INSC: variants seen among roughly 807,000 people sequenced by gnomAD.
The protein encoded by INSC is protein inscuteable homolog.
INSC carries 67 observed loss-of-function variants against 58.6 expected under a neutral mutation model. That is an observed-to-expected ratio of 1.14 (90% CI 0.94 to 1.40). INSC has a LOEUF of 1.40. Among genes scored for constraint, INSC ranks in the 40% most tolerant of loss-of-function variants. The pLI, the probability that INSC is intolerant of heterozygous loss-of-function variation, is 0.00. For synonymous variants in INSC, 262 were observed against 276.1 expected (o/e 0.95, Z 0.51); for missense variants, 714 against 692.0 (o/e 1.03, Z -0.36).
Position 15,221,512 on chromosome 11 carries a change from C to A in INSC, c.855C>A (p.Thr285=). ...TTCTGTGCTTGGCCGACATCCTGAC[C>A]GACAACAGCCACTCAGAGGCCACAC... ...DGVLCLADIL[T]DNSHSEATRA... is the part of the protein sequence containing the mutation. Residue 285 remains threonine, a synonymous_variant, in exon 8 of 13, where the codon ACC becomes ACA. Transcript: ENST00000379556. 6.2e-7 allele frequency: 1 copy of A among 1,613,278 alleles called. No homozygotes were observed.
chr11:15,267,602 T>C, the INSC span, among the ~76,000 whole-genome samples: 1 of 152,022 alleles, frequency 6.6e-6, no homozygotes, highest in Non-Finnish European at 1.5e-5. Flanking sequence ...TTTAAAAATA[T>C]ACCTATCATG....
chr11:15,232,149 C>T (rs537255850), intron 9 of INSC, among the ~76,000 whole-genome samples: 1 of 152,294 alleles, frequency 6.6e-6, no homozygotes, highest in Admixed American at 6.5e-5. Context: ...AGTGAATACA[C>T]ACTTTGCTGT....
chr11:15,156,915 T>G (rs1411208165), intron 2 of INSC, among the ~76,000 whole-genome samples: 3 of 152,180 alleles, frequency 2.0e-5, no homozygotes, highest in Non-Finnish European at 4.4e-5. Flanking sequence ...CCACCCCAAT[T>G]CCACCCTGGA....
chr11:15,185,733 G>A (rs1590416187), intron 5 of INSC, among the ~76,000 whole-genome samples: 1 of 152,080 alleles, frequency 6.6e-6, no homozygotes, highest in Admixed American at 6.6e-5. Flanking sequence ...AATGATGATG[G>A]TATTAAGTTG....
chr11:15,124,433 A>T (rs911110787), intron 1 of INSC, among the ~76,000 whole-genome samples: 2 of 152,176 alleles, frequency 1.3e-5, no homozygotes, highest in African/African-American at 4.8e-5. Context: ...ATTCAGGTAG[A>T]TATAAGATAG....
chr11:15,187,532 G>T (rs1344195642), intron 5 of INSC, among the ~76,000 whole-genome samples: 1 of 152,102 alleles, frequency 6.6e-6, no homozygotes, highest in Admixed American at 6.5e-5. Flanking sequence ...ATGCCAGTTT[G>T]CTTTTTGAGA....
At chr11:15,260,567 T>C in the INSC span, among the ~76,000 whole-genome samples, 2 of 152,154 alleles carry the variant, frequency 1.3e-5, no homozygotes, top group South Asian at 2.1e-4. Flanking sequence ...TTAGAAATAA[T>C]ATATGGGATG....
chr11:15,148,680 G>A (rs1848555388), intron 1 of INSC, among the ~76,000 whole-genome samples: 1 of 152,180 alleles, frequency 6.6e-6, no homozygotes, highest in African/African-American at 2.4e-5. Flanking sequence ...CATAATCACA[G>A]TGAATAAGCG....
Position 15,225,790 on chromosome 11 carries a change from G to GACA in INSC, c.1134_1136dup (p.Asp378_Lys379insAsn). Reference sequence around the variant, plus strand: ...CCGTGTTCTCCTGGAAGCCTGCAGTGACAAGCAGAGAGTGGACACGCCTTA... The same window carrying GACA: ...CCGTGTTCTCCTGGAAGCCTGCAGTGACAACAAGCAGAGAGTGGACACGCCTTA... On this transcript the variant is annotated inframe_insertion, in exon 9 of 13. Coordinates refer to ENST00000379556, the MANE Select transcript of INSC (RefSeq NM_001042536.3). 1 of 1,613,816 alleles carries GACA rather than the reference G, an allele frequency of 6.2e-7. No homozygotes were observed. Among genetic ancestry groups the GACA allele is most frequent in the Non-Finnish European group, 8.5e-7 (1 of 1,179,892 alleles).
chr11:15,221,391 G>T (rs1045794249), intron 7 of INSC, 86 bp from the exon 8 acceptor site: 110 of 1,465,466 alleles, frequency 7.5e-5, no homozygotes, highest in Non-Finnish European at 1.0e-4. Flanking sequence ...ATGTAGTGGG[G>T]GCTGAATCTG....
At chr11:15,260,435 T>C in the INSC span, among the ~76,000 whole-genome samples, 1 of 152,182 alleles carries the variant, frequency 6.6e-6, no homozygotes, top group African/African-American at 2.4e-5. Context: ...ATGGGGGTCA[T>C]CTAGATCTGG....
intron 2 of INSC, among the ~76,000 whole-genome samples, chr11:15,162,717 T>C (rs559102976): frequency 6.6e-6 from 1 of 152,326 alleles, no homozygotes; most frequent in South Asian, 2.1e-4. Context: ...TAAATATTGT[T>C]GAATGAATGA....
intron 8 of INSC, among the ~76,000 whole-genome samples, chr11:15,223,836 G>A (rs1851534642): frequency 6.6e-6 from 1 of 152,210 alleles, no homozygotes; most frequent in South Asian, 2.1e-4. Flanking sequence ...TCCAGTCCTG[G>A]GTGGTTGGAT....
intron 7 of INSC, among the ~76,000 whole-genome samples, chr11:15,216,441 C>T (rs12363293): frequency 4.6e-5 from 7 of 152,216 alleles, no homozygotes; most frequent in Non-Finnish European, 8.8e-5. Flanking sequence ...TGTTGCTGTG[C>T]GTCTTTGTGT....
chr11:15,200,676 G>A, intron 6 of INSC, 148 bp from the exon 7 acceptor site: 1 of 862,462 alleles, frequency 1.2e-6, no homozygotes, highest in Non-Finnish European at 1.8e-6. Context: ...GAGCATTTGA[G>A]TGTGTGTAAG....
intron 7 of INSC, among the ~76,000 whole-genome samples, chr11:15,210,505 TTGTGTGTGTGTG>T (rs56375160): frequency 1.1e-4 from 15 of 135,564 alleles, no homozygotes; most frequent in South Asian, 7.5e-4. Context: ...ATTTGAGAGT[TTGTGTGTGTGTG>T]TGTGTGTGTG....
chr11:15,157,231 C>T (rs77495165), intron 2 of INSC, among the ~76,000 whole-genome samples: 3,255 of 152,278 alleles, frequency 0.021, 59 homozygotes, highest in Middle Eastern at 0.034. Context: ...TTTCAGTTCA[C>T]TGTGGAGACT....
rs766025835 is a variant in INSC, at chr11:15,175,979, C to T, written c.295C>T (p.Arg99Cys). 1.4e-5 allele frequency: 23 copies of T among 1,612,404 alleles called. No individual in the cohort carries two copies. The Admixed American group carries it at 2.0e-4, about 14-fold the overall frequency. Residue 99 changes from arginine (R) to cysteine (C), a missense_variant, in exon 3 of 13, where the codon CGC becomes TGC. Physicochemically the swap from Arg to Cys is radical, Grantham distance 180 (BLOSUM62 -3). Transcript: ENST00000379556. ...RRIGQKLAQD[R>C]WARVHSMSVR... Reference sequence around the variant, plus strand: ...GATCGGGCAGAAGCTGGCCCAGGACCGCTGGGCACGGGTGCACAGCATGAG... The same window carrying T: ...GATCGGGCAGAAGCTGGCCCAGGACTGCTGGGCACGGGTGCACAGCATGAG...
intron 5 of INSC, chr11:15,188,284 A>T (rs1346645315): frequency 2.0e-6 from 2 of 985,382 alleles, no homozygotes; most frequent in East Asian, 1.1e-4. Flanking sequence ...AAACTTGCTA[A>T]TGAGGCTGGA....
Sources: allele counts gnomAD v4.1 joint callset (sites outside exome capture counted in the v4.1 genomes callset), GRCh38; gene constraint gnomAD v4.1.1; transcripts MANE v1.5; gene names NCBI Gene and HGNC (gene_info 2026-07-23, HGNC 2026-07-21).